ANO10: variants seen among roughly 807,000 people sequenced by gnomAD.
ANO10 encodes the protein anoctamin 10.
A neutral mutation model predicts 74.7 loss-of-function variants in ANO10; 77 were observed. That is an observed-to-expected ratio of 1.03 (90% CI 0.86 to 1.25). The LOEUF is 1.25. Ranked by LOEUF, ANO10 falls within the 50% of genes most tolerant of loss-of-function variation. ANO10 has a pLI of 0.00. For missense variants in ANO10, 721 were observed against 778.1 expected (o/e 0.93, Z 0.87); for synonymous variants, 279 against 284.9 (o/e 0.98, Z 0.21).
chr3:43,464,302 A>T (rs1416533292), intron 11 of ANO10, among the ~76,000 whole-genome samples: 1 of 152,244 alleles, frequency 6.6e-6, no homozygotes, highest in Non-Finnish European at 1.5e-5. Flanking sequence ...TCATTGGTAT[A>T]GACGTAAAAT....
chr3:43,656,062 C>T (rs1446317084), intron 1 of ANO10, among the ~76,000 whole-genome samples: 1 of 144,702 alleles, frequency 6.9e-6, no homozygotes. Flanking sequence ...TTCACAAACC[C>T]TGAGCTAGAC....
intron 1 of ANO10, among the ~76,000 whole-genome samples, chr3:43,642,382 A>G (rs1421829424): frequency 6.6e-6 from 1 of 152,190 alleles, no homozygotes; most frequent in African/African-American, 2.4e-5. Context: ...TAAATTACTG[A>G]CTGAAATTTA....
chr3:43,423,258 G>T (rs746724007), intron 12 of ANO10, among the ~76,000 whole-genome samples: 1 of 152,056 alleles, frequency 6.6e-6, no homozygotes, highest in African/African-American at 2.4e-5. Flanking sequence ...TTCTGCCAGA[G>T]TATCTATTTT....
At chr3:43,657,482 C>T (rs2083871076) in intron 1 of ANO10, among the ~76,000 whole-genome samples, 1 of 152,160 alleles carries the variant, frequency 6.6e-6, no homozygotes, top group South Asian at 2.1e-4. Context: ...ACCTTTAAAT[C>T]GTTGGATTGC....
intron 8 of ANO10, 100 bp from the exon 9 acceptor site, chr3:43,561,502 T>C (rs1261383118): frequency 1.9e-6 from 2 of 1,046,716 alleles, no homozygotes; most frequent in Admixed American, 2.3e-5. Context: ...ATTTATAGCA[T>C]AAATACAATT....
chr3:43,424,320 T>C (rs984950286), intron 12 of ANO10, among the ~76,000 whole-genome samples: 1 of 152,240 alleles, frequency 6.6e-6, no homozygotes, highest in Non-Finnish European at 1.5e-5. Context: ...AAGGCCGAAC[T>C]AACTTTGGAA....
Position 43,549,747 on chromosome 3 carries a change from G to A in ANO10, c.1770C>T (p.Asp590=), listed in dbSNP as rs765032374. 8 of 1,613,960 alleles carry A rather than the reference G, an allele frequency of 5.0e-6. No individual in the cohort carries two copies. The South Asian group carries it at 7.7e-5, about 16-fold the overall frequency. The part of the protein sequence containing the change: ...VNAVFPESKA[D]LILIVVAVEH... The stretch of plus-strand genomic sequence containing the variant: ...CCACTGCTACTACAATCAAAATGAG[G>A]TCTGCTTTTGATTCTGGAAAGACTG... Residue 590 remains aspartate (D), a synonymous_variant, in exon 11 of 13, where the codon GAC becomes GAT. Transcript: ENST00000292246.
intron 12 of ANO10, among the ~76,000 whole-genome samples, chr3:43,390,142 T>C (rs983838593): frequency 1.3e-5 from 2 of 152,194 alleles, no homozygotes; most frequent in African/African-American, 4.8e-5. Context: ...GTATTTAAAA[T>C]GTGCTGAGGA....
In ANO10 at chr3:43,673,119, G is replaced by T. The variant is rs1237548350; in HGVS notation, c.-12+18398C>A. Among the ~76,000 whole-genome samples, 3 of 152,162 alleles carry T rather than the reference G, an allele frequency of 2.0e-5. No homozygotes were observed. In the East Asian group the frequency reaches 5.8e-4, roughly 29 times the overall value. ...GACAATCATGACATATTTCAGTGTG[G>T]AATCAATGATGGGTGAAAATTCTTC... On this transcript the variant is annotated intron_variant, in intron 1 of 3. Coordinates refer to the ANO10 transcript ENST00000413397.
chr3:43,581,875 A>G (rs2081276627), intron 4 of ANO10, among the ~76,000 whole-genome samples: 1 of 151,154 alleles, frequency 6.6e-6, no homozygotes, highest in African/African-American at 2.4e-5. Flanking sequence ...ACAGTGAGCT[A>G]TGATAATGCC....
intron 8 of ANO10, among the ~76,000 whole-genome samples, chr3:43,562,633 G>T (rs989773313): frequency 8.7e-5 from 13 of 149,172 alleles, no homozygotes; most frequent in Admixed American, 6.7e-4. Context: ...GTGAGCCAAG[G>T]CTGTGCCACT....
chr3:43,410,329 C>A (rs1030163081), intron 12 of ANO10, among the ~76,000 whole-genome samples: 1 of 152,142 alleles, frequency 6.6e-6, no homozygotes, highest in Non-Finnish European at 1.5e-5. Flanking sequence ...TAGCTCACGG[C>A]ATCCTTGAAT....
At chr3:43,562,391 G>T (rs1303315838) in intron 8 of ANO10, among the ~76,000 whole-genome samples, 1 of 141,154 alleles carries the variant, frequency 7.1e-6, no homozygotes, top group Non-Finnish European at 1.5e-5. Context: ...GGCGGAGCTT[G>T]CAGTAAGCCA....
At chr3:43,541,713 G>C (rs1190511495) in intron 11 of ANO10, among the ~76,000 whole-genome samples, 1 of 152,166 alleles carries the variant, frequency 6.6e-6, no homozygotes, top group Admixed American at 6.5e-5. Flanking sequence ...TAACTCTACT[G>C]AGTTACTTTA....
intron 12 of ANO10, 121 bp downstream of exon 12, chr3:43,432,490 T>C (rs2092997854): frequency 1.2e-6 from 1 of 845,860 alleles, no homozygotes; most frequent in Admixed American, 1.8e-5. Flanking sequence ...ACTGGAGTCC[T>C]CTGTATTCAT....
At chr3:43,588,721 A>G (rs1443766760) in intron 4 of ANO10, among the ~76,000 whole-genome samples, 1 of 152,226 alleles carries the variant, frequency 6.6e-6, no homozygotes, top group African/African-American at 2.4e-5. Context: ...AAGAACCACA[A>G]GACAAGGCTG....
chr3:43,508,171 A>C (rs2077367215), intron 11 of ANO10, among the ~76,000 whole-genome samples: 1 of 152,174 alleles, frequency 6.6e-6, no homozygotes, highest in African/African-American at 2.4e-5. Context: ...ATTTTTCAAA[A>C]AAGACCAAAC....
chr3:43,599,281 C>A (rs1368004347), intron 3 of ANO10, among the ~76,000 whole-genome samples: 1 of 152,192 alleles, frequency 6.6e-6, no homozygotes, highest in Non-Finnish European at 1.5e-5. Context: ...TCTGAAAGCC[C>A]TGGCAGGGAT....
intron 11 of ANO10, among the ~76,000 whole-genome samples, chr3:43,480,683 A>G (rs534382574): frequency 1.3e-5 from 2 of 152,282 alleles, no homozygotes; most frequent in African/African-American, 4.8e-5. Flanking sequence ...GGAAGTGAGG[A>G]CAGAAACCCT....
Sources: allele counts gnomAD v4.1 joint callset (sites outside exome capture counted in the v4.1 genomes callset), GRCh38; gene constraint gnomAD v4.1.1; transcripts MANE v1.5; gene names NCBI Gene and HGNC (gene_info 2026-07-23, HGNC 2026-07-21).